The following IFTAP variants were observed in gnomAD, a reference collection of about 807,000 sequenced individuals.
IFTAP encodes intraflagellar transport-associated protein.
A neutral mutation model predicts 19.4 loss-of-function variants in IFTAP; 19 were observed. The observed-to-expected ratio is 0.98, with a 90% CI of 0.68 to 1.44. The LOEUF (loss-of-function observed/expected upper bound fraction) is 1.44, where lower values mean the gene tolerates loss of function less well. IFTAP is among the 40% of genes most tolerant of loss of function. IFTAP has a pLI of 0.00. For missense variants in IFTAP, 240 were observed against 253.6 expected, an observed-to-expected ratio of 0.95 and a Z score of 0.36; for synonymous variants, 85 against 83.5, an observed-to-expected ratio of 1.02 and a Z score of -0.10.
chr11:36,651,038 C>T (rs1420348979), intron 5 of IFTAP, among the ~76,000 whole-genome samples: 3 of 152,264 alleles, frequency 2.0e-5, no homozygotes, highest in Non-Finnish European at 4.4e-5. Flanking sequence ...GTCTTTATAG[C>T]AGCATGATTT....
At chr11:36,651,596 C>T (rs1247335459) in intron 5 of IFTAP, among the ~76,000 whole-genome samples, 2 of 152,090 alleles carry the variant, frequency 1.3e-5, no homozygotes, top group African/African-American at 2.4e-5. Flanking sequence ...GTTGCCATTG[C>T]TTTTGGTGTT....
intron 2 of IFTAP, among the ~76,000 whole-genome samples, chr11:36,625,148 C>T (rs1362556124): frequency 6.6e-6 from 1 of 152,094 alleles, no homozygotes; most frequent in African/African-American, 2.4e-5. Context: ...TCTTGGGAAA[C>T]TTACTTAACA....
At chr11:36,608,082 A>G (rs1431802649) in intron 1 of IFTAP, among the ~76,000 whole-genome samples, 1 of 152,198 alleles carries the variant, frequency 6.6e-6, no homozygotes, top group Admixed American at 6.5e-5. Flanking sequence ...TGCATATACT[A>G]AAGTGGTGAT....
intron 1 of IFTAP, among the ~76,000 whole-genome samples, chr11:36,599,959 A>AGCCTTTG (rs1370359529): frequency 6.6e-6 from 1 of 152,248 alleles, no homozygotes; most frequent in Non-Finnish European, 1.5e-5. Context: ...GATGTGTTTT[A>AGCCTTTG]GCCTTTGGAT....
At chr11:36,627,781 G>A (rs575361159) in intron 2 of IFTAP, among the ~76,000 whole-genome samples, 2 of 150,900 alleles carry the variant, frequency 1.3e-5, no homozygotes, top group Non-Finnish European at 2.9e-5. Flanking sequence ...GCACCAAACT[G>A]TTTTCTACTT....
chr11:36,646,412 G>A (rs1853485595), intron 4 of IFTAP, among the ~76,000 whole-genome samples: 1 of 152,166 alleles, frequency 6.6e-6, no homozygotes, highest in Admixed American at 6.6e-5. Flanking sequence ...CAGTGAGGGA[G>A]TTTGGCTTTG....
chr11:36,599,634 C>T (rs1171078065), intron 1 of IFTAP, among the ~76,000 whole-genome samples: 1 of 151,142 alleles, frequency 6.6e-6, no homozygotes, highest in Non-Finnish European at 1.5e-5. Flanking sequence ...TGTATATTTT[C>T]AGGGTTGATT....
intron 4 of IFTAP, among the ~76,000 whole-genome samples, chr11:36,636,601 TTCC>T (rs1852962077): frequency 6.6e-6 from 1 of 152,226 alleles, no homozygotes; most frequent in African/African-American, 2.4e-5. Flanking sequence ...TGTCAAGGCC[TTCC>T]CACATGTAGA....
At chr11:36,607,062 C>A (rs1476916723) in intron 1 of IFTAP, among the ~76,000 whole-genome samples, 1 of 152,112 alleles carries the variant, frequency 6.6e-6, no homozygotes. Flanking sequence ...TAAGTTGATA[C>A]CCAGCTACAC....
At chr11:36,617,759 A>C (rs1291514560) in intron 2 of IFTAP, among the ~76,000 whole-genome samples, 1 of 151,998 alleles carries the variant, frequency 6.6e-6, no homozygotes, top group Non-Finnish European at 1.5e-5. Context: ...TGATGCAAAG[A>C]ATTAGCTATT....
chr11:36,625,756 G>A (rs80150354), intron 2 of IFTAP, among the ~76,000 whole-genome samples: 4,595 of 152,198 alleles, frequency 0.03, 104 homozygotes, highest in Non-Finnish European at 0.047. Flanking sequence ...TCTAGAAAGG[G>A]GGAAAACAAC....
Position 36,631,466 on chromosome 11 carries a change from T to G in IFTAP, c.137-1818T>G, listed in dbSNP as rs1852723032. 2.0e-5 allele frequency among the ~76,000 whole-genome samples: 3 copies of G among 151,362 alleles called. 1 individual carries two copies. Among genetic ancestry groups the G allele is most frequent in the Non-Finnish European group, 4.4e-5 (3 of 68,032 alleles). The stretch of plus-strand genomic sequence containing the variant: ...GTCCTAAAGATACCCTCACAAGTCT[T>G]AATTCTACCAGTGATAGGGTATTCA... On this transcript the variant is annotated intron_variant, in intron 2 of 5. Transcript: ENST00000334307.
chr11:36,602,576 G>A (rs559911296), intron 1 of IFTAP, among the ~76,000 whole-genome samples: 7 of 152,228 alleles, frequency 4.6e-5, no homozygotes, highest in African/African-American at 1.7e-4. Flanking sequence ...AAACCTTACT[G>A]CTTTATGGAT....
At chr11:36,641,381 C>T (rs1044991690) in intron 4 of IFTAP, among the ~76,000 whole-genome samples, 1 of 151,876 alleles carries the variant, frequency 6.6e-6, no homozygotes, top group African/African-American at 2.4e-5. Flanking sequence ...TAGACATAAC[C>T]CATGTAAACA....
At chr11:36,658,964 T>C in intron 5 of IFTAP, 55 bp from the exon 6 acceptor site, 3 of 1,331,904 alleles carry the variant, frequency 2.3e-6, no homozygotes, top group Non-Finnish European at 3.0e-6. Flanking sequence ...TTTTCAACTT[T>C]ATCTTCATTT....
chr11:36,640,383 T>C (rs115715878), intron 4 of IFTAP, among the ~76,000 whole-genome samples: 481 of 152,372 alleles, frequency 3.2e-3, no homozygotes, highest in African/African-American at 0.011. Flanking sequence ...TTTTATTACA[T>C]ATTACATCTT....
At chr11:36,609,458 CAG>C (rs1851798994) in intron 1 of IFTAP, among the ~76,000 whole-genome samples, 2 of 152,080 alleles carry the variant, frequency 1.3e-5, no homozygotes, top group South Asian at 2.1e-4. Context: ...TTGGAATGCT[CAG>C]AGTTACCAGT....
At chr11:36,596,211 G>GTTTTTTTTTTTTTTTTTT (rs1243664769) in intron 1 of IFTAP, among the ~76,000 whole-genome samples, 5 of 101,156 alleles carry the variant, frequency 4.9e-5, no homozygotes, top group African/African-American at 2.1e-4. Context: ...AGATGGTAGT[G>GTTTTTTTTTTTTTTTTTT]TTTTTTTTTT....
chr11:36,614,133 T>C (rs1039698809), intron 2 of IFTAP, among the ~76,000 whole-genome samples: 2 of 149,658 alleles, frequency 1.3e-5, no homozygotes, highest in African/African-American at 5.0e-5. Context: ...GTGATCTCAT[T>C]GTTCAATTCC....
Sources: allele counts gnomAD v4.1 joint callset (sites outside exome capture counted in the v4.1 genomes callset), GRCh38; gene constraint gnomAD v4.1.1; transcripts MANE v1.5; gene names NCBI Gene and HGNC (gene_info 2026-07-23, HGNC 2026-07-21).